The following CEP350 variants were observed in gnomAD, a reference collection of about 807,000 sequenced individuals.
CEP350 encodes the protein centrosome-associated protein 350.
A neutral mutation model predicts 331.8 loss-of-function variants in CEP350; 126 were observed. That is an observed-to-expected ratio of 0.38 (90% CI 0.33 to 0.44). The LOEUF is 0.44. Among genes scored for constraint, CEP350 ranks in the 20% least tolerant of loss-of-function variants. The pLI is 1.00. For missense variants in CEP350, 3,406 were observed against 3,634.6 expected (o/e 0.94, Z 1.62); for synonymous variants, 1,200 against 1,259.5 (o/e 0.95, Z 1.00).
intron 37 of CEP350, among the ~76,000 whole-genome samples, chr1:180,099,573 A>G (rs1203442726): frequency 3.9e-5 from 6 of 152,150 alleles, no homozygotes; most frequent in Non-Finnish European, 5.9e-5. Flanking sequence ...AAAAAAGAAA[A>G]AAAGAAAAAT....
In CEP350 at chr1:179,954,861, G is replaced by T. The variant is rs1392378273; in HGVS notation, c.-295G>T. ...GCCGCCCCTGACGAAGTGACTCCCG[G>T]GCCGGGGAGCGGGGCCAGACCTGCG... On this transcript the variant is annotated 5_prime_UTR_variant, in exon 1 of 38. Coordinates refer to ENST00000367607, the MANE Select transcript of CEP350 (RefSeq NM_014810.5). 2 of 438,674 alleles carry T rather than the reference G, an allele frequency of 4.6e-6. No homozygotes were observed. The highest frequency in any genetic ancestry group is 3.5e-5 in the East Asian group (1 of 28,172). 27.2% of individuals were successfully genotyped at this position (438,674 alleles called of 1,614,324 possible).
intron 5 of CEP350, among the ~76,000 whole-genome samples, chr1:179,993,487 A>C (rs1653240090): frequency 6.6e-6 from 1 of 152,160 alleles, no homozygotes; most frequent in Non-Finnish European, 1.5e-5. Flanking sequence ...CAGTGGCATA[A>C]TCATGGCTCA....
chr1:179,964,425 A>G (rs1440058538), intron 1 of CEP350, among the ~76,000 whole-genome samples: 5 of 151,776 alleles, frequency 3.3e-5, no homozygotes, highest in African/African-American at 1.2e-4. Flanking sequence ...TGTGATCTTG[A>G]TTTTTTGGAG....
Position 180,036,922 on chromosome 1 carries a change from C to G in CEP350, c.3947-4C>G. The stretch of plus-strand genomic sequence containing the variant: ...TTCCATTTGACCATTGTCATGCCTT[C>G]CAGGTTCTAAGCGCTTTTCTCCTGC... On this transcript the variant is annotated splice_region_variant and splice_polypyrimidine_tract_variant and intron_variant, in intron 16 of 37. Coordinates refer to ENST00000367607, the MANE Select transcript of CEP350 (RefSeq NM_014810.5). 6.5e-7 allele frequency: 1 copy of G among 1,541,374 alleles called. No individual in the cohort carries two copies. The highest frequency in any genetic ancestry group is 8.7e-7 in the Non-Finnish European group (1 of 1,145,592).
intron 27 of CEP350, among the ~76,000 whole-genome samples, chr1:180,072,654 G>C (rs959138011): frequency 2.6e-5 from 4 of 152,170 alleles, no homozygotes; most frequent in Admixed American, 2.0e-4. Flanking sequence ...TTTTGCGTGT[G>C]TGTATGTGTG....
Position 180,011,914 on chromosome 1 carries a change from C to A in CEP350, c.1247-15C>A. 1 of 1,560,876 alleles carries A rather than the reference C, an allele frequency of 6.4e-7. No individual in the cohort carries two copies. The highest frequency in any genetic ancestry group is 1.2e-5 in the South Asian group (1 of 83,352). Reference sequence around the variant, plus strand: ...AAAATTTAAGTTTTAATTTCAGTGCCATGTATTTTTTTAGGTAGTAGTCAT... The same window carrying A: ...AAAATTTAAGTTTTAATTTCAGTGCAATGTATTTTTTTAGGTAGTAGTCAT... On this transcript the variant is annotated splice_polypyrimidine_tract_variant and intron_variant, in intron 8 of 37. Coordinates refer to ENST00000367607, the MANE Select transcript of CEP350 (RefSeq NM_014810.5).
At chr1:179,973,350 G>T (rs1651600021) in intron 1 of CEP350, among the ~76,000 whole-genome samples, 1 of 152,160 alleles carries the variant, frequency 6.6e-6, no homozygotes, top group African/African-American at 2.4e-5. Flanking sequence ...GCTTTGCATG[G>T]GTAGCTGAGA....
chr1:180,100,364 C>G (rs75139567), intron 37 of CEP350, among the ~76,000 whole-genome samples: 1 of 152,206 alleles, frequency 6.6e-6, no homozygotes, highest in South Asian at 2.1e-4. Flanking sequence ...CTATTTCTAT[C>G]ATGTCTTAAA....
At chr1:179,985,711 G>A (rs191508986) in intron 1 of CEP350, among the ~76,000 whole-genome samples, 9 of 152,198 alleles carry the variant, frequency 5.9e-5, no homozygotes, top group Non-Finnish European at 1.0e-4. Context: ...TTATAAAACC[G>A]TTAGATCTCA....
At chr1:180,032,382 A>G (rs191388293) in intron 15 of CEP350, among the ~76,000 whole-genome samples, 2 of 152,134 alleles carry the variant, frequency 1.3e-5, no homozygotes, top group Non-Finnish European at 2.9e-5. Context: ...TTAAAATTAA[A>G]TTTTTTTTCT....
intron 27 of CEP350, chr1:180,074,013 G>A (rs978135143): frequency 9.5e-5 from 96 of 1,010,056 alleles, no homozygotes; most frequent in Non-Finnish European, 1.1e-4. Context: ...TTAATAGCCT[G>A]GAGGCCTCTT....
intron 10 of CEP350, among the ~76,000 whole-genome samples, 187 bp from the exon 11 acceptor site, chr1:180,015,662 G>A (rs1654927785): frequency 6.6e-6 from 1 of 151,982 alleles, no homozygotes; most frequent in South Asian, 2.1e-4. Context: ...GATTTTAGAT[G>A]GTGTTTTGCT....
intron 11 of CEP350, among the ~76,000 whole-genome samples, chr1:180,016,780 A>G (rs540181207): frequency 2.0e-5 from 3 of 151,290 alleles, no homozygotes; most frequent in South Asian, 4.2e-4. Flanking sequence ...TCTTGCCTCA[A>G]CTTCCCACGT....
intron 16 of CEP350, among the ~76,000 whole-genome samples, chr1:180,034,754 C>A (rs983602259): frequency 1.3e-5 from 2 of 152,202 alleles, no homozygotes; most frequent in Admixed American, 6.5e-5. Flanking sequence ...TCTGACTGCT[C>A]CACCAACTCA....
intron 13 of CEP350, 42 bp from the exon 14 acceptor site, chr1:180,024,377 A>G: frequency 1.3e-6 from 2 of 1,554,766 alleles, no homozygotes; most frequent in Admixed American, 3.8e-5. Flanking sequence ...CTGTGTTGTA[A>G]GACTTTTCTT....
intron 4 of CEP350, 114 bp from the exon 5 acceptor site, chr1:179,991,945 TATA>T (rs1007537282): frequency 3.1e-6 from 3 of 953,470 alleles, no homozygotes; most frequent in Non-Finnish European, 2.9e-6. Context: ...AGATAACTTA[TATA>T]ATATCCAACT....
intron 14 of CEP350, among the ~76,000 whole-genome samples, chr1:180,029,365 T>C (rs1655866536): frequency 1.3e-5 from 2 of 152,226 alleles, no homozygotes; most frequent in African/African-American, 4.8e-5. Flanking sequence ...AATAAAGCGT[T>C]CTTACTATGA....
At chr1:180,089,336 A>G (rs558775319) in intron 32 of CEP350, among the ~76,000 whole-genome samples, 1 of 152,342 alleles carries the variant, frequency 6.6e-6, no homozygotes, top group Non-Finnish European at 1.5e-5. Context: ...CTGTAATCCC[A>G]TCACTTTGGG....
chr1:179,959,727 C>T (rs1650447090), intron 1 of CEP350, among the ~76,000 whole-genome samples: 1 of 152,322 alleles, frequency 6.6e-6, no homozygotes, highest in South Asian at 2.1e-4. Flanking sequence ...GCACTCCAGC[C>T]TAGGTGACAG....
Sources: gnomAD v4.1 joint callset for allele counts (sites outside exome capture counted in the v4.1 genomes callset) on GRCh38, gnomAD v4.1.1 for gene constraint, MANE v1.5 for transcripts, NCBI Gene and HGNC (gene_info 2026-07-23, HGNC 2026-07-21) for gene names.